KIAA1328: variants seen among roughly 807,000 people sequenced by gnomAD.
KIAA1328 encodes the protein KIAA1328.
In KIAA1328, 52 loss-of-function variants were observed where a neutral mutation model predicts 68.1. The ratio of observed to expected loss-of-function variants is 0.76; its 90% CI spans 0.61 to 0.96. KIAA1328 has a LOEUF of 0.96. Among genes scored for constraint, KIAA1328 ranks in the 40% least tolerant of loss-of-function variants. KIAA1328 has a pLI of 0.00. For missense variants in KIAA1328, 641 were observed against 677.6 expected, an observed-to-expected ratio of 0.95 and a Z score of 0.60; for synonymous variants, 232 against 239.4, an observed-to-expected ratio of 0.97 and a Z score of 0.28.
chr18:37,186,564 CAAAAAAAAAAA>C (rs397858280), intron 9 of KIAA1328, among the ~76,000 whole-genome samples: 10 of 73,176 alleles, frequency 1.4e-4, no homozygotes, highest in East Asian at 4.7e-4. Context: ...GAAACCCTAT[CAAAAAAAAAAA>C]AAAAAAAAAA....
At chr18:37,003,486 G>A (rs566628457) in intron 6 of KIAA1328, among the ~76,000 whole-genome samples, 5 of 152,044 alleles carry the variant, frequency 3.3e-5, no homozygotes, top group East Asian at 1.9e-4. Context: ...AAACATCTCC[G>A]CAGGAAAAAA....
At chr18:36,887,378 C>G (rs963949185) in intron 5 of KIAA1328, among the ~76,000 whole-genome samples, 1 of 152,032 alleles carries the variant, frequency 6.6e-6, no homozygotes, top group African/African-American at 2.4e-5. Context: ...TCCTTTATTT[C>G]TCACATAACA....
chr18:37,170,403 G>A (rs1381901816), intron 8 of KIAA1328, among the ~76,000 whole-genome samples: 1 of 152,152 alleles, frequency 6.6e-6, no homozygotes, highest in Non-Finnish European at 1.5e-5. Context: ...ATAATTTAAA[G>A]ACTGTTGTAA....
At chr18:37,225,604 T>C (rs1051804005), downstream of KIAA1328, among the ~76,000 whole-genome samples, 1 of 152,230 alleles carries the variant, frequency 6.6e-6, no homozygotes, top group African/African-American at 2.4e-5. Context: ...TCAGTCTCTC[T>C]GCACCTGTAA....
At chr18:37,010,440 C>CAAAAAA (rs2053936854) in intron 6 of KIAA1328, among the ~76,000 whole-genome samples, 1 of 41,320 alleles carries the variant, frequency 2.4e-5, no homozygotes, top group Non-Finnish European at 3.9e-5. Flanking sequence ...GAGACACCAT[C>CAAAAAA]TAAAAAAAAA....
chr18:37,099,976 C>T (rs1035774847), intron 7 of KIAA1328, among the ~76,000 whole-genome samples: 15 of 152,044 alleles, frequency 9.9e-5, no homozygotes, highest in African/African-American at 1.4e-4. Flanking sequence ...TGTCTTTGCA[C>T]GTGAGATGGG....
At chr18:37,229,173 A>G (rs1033208091), downstream of KIAA1328, among the ~76,000 whole-genome samples, 5 of 152,138 alleles carry the variant, frequency 3.3e-5, no homozygotes, top group Admixed American at 3.3e-4. Context: ...TGGGAGGAGG[A>G]GAGGAATCCA....
chr18:37,140,206 A>C (rs2058737508), intron 7 of KIAA1328, among the ~76,000 whole-genome samples: 1 of 152,064 alleles, frequency 6.6e-6, no homozygotes. Context: ...CTTTTCTATG[A>C]TGAGAATACC....
chr18:37,197,269 A>G (rs992748690), intron 9 of KIAA1328, among the ~76,000 whole-genome samples: 2 of 151,920 alleles, frequency 1.3e-5, no homozygotes, highest in African/African-American at 4.8e-5. Context: ...TTAAAAACCT[A>G]CTTTTTGTTT....
At chr18:37,031,144 T>C (rs1041404679) in intron 6 of KIAA1328, among the ~76,000 whole-genome samples, 6 of 152,180 alleles carry the variant, frequency 3.9e-5, no homozygotes, top group Non-Finnish European at 8.8e-5. Context: ...AATAAACATA[T>C]GTGTGCATGT....
In KIAA1328 at chr18:37,164,961, C is replaced by T. The variant is rs925636956; in HGVS notation, c.1414+4580C>T. On this transcript the variant is annotated intron_variant, in intron 8 of 9. Coordinates refer to ENST00000280020, the MANE Select transcript of KIAA1328 (RefSeq NM_020776.3). ...AGTACATTTCCATTTTCAATAAATCCTCATACTCTTTTCTAGTCAATCCTC... is the reference window on the plus strand; with the variant it reads ...AGTACATTTCCATTTTCAATAAATCTTCATACTCTTTTCTAGTCAATCCTC... Among the ~76,000 whole-genome samples the T allele has an allele frequency of 2.0e-5, 3 of 152,120 alleles. 1 individual carries two copies. The highest frequency in any genetic ancestry group is 3.9e-4 in the East Asian group (2 of 5,178).
intron 9 of KIAA1328, among the ~76,000 whole-genome samples, chr18:37,195,099 TG>T (rs2059978580): frequency 6.6e-6 from 1 of 152,212 alleles, no homozygotes; most frequent in Non-Finnish European, 1.5e-5. Flanking sequence ...CTCTTCTTTG[TG>T]GTGGGAAAGA....
chr18:37,022,519 C>G (rs1205774022), intron 6 of KIAA1328, among the ~76,000 whole-genome samples: 1 of 152,110 alleles, frequency 6.6e-6, no homozygotes, highest in East Asian at 1.9e-4. Context: ...ACTGGTGTGA[C>G]AGCAAAGTTC....
At chr18:36,878,465 C>G (rs2048215994) in intron 4 of KIAA1328, among the ~76,000 whole-genome samples, 1 of 152,086 alleles carries the variant, frequency 6.6e-6, no homozygotes, top group African/African-American at 2.4e-5. Context: ...TCATTTCAAC[C>G]TTGATGAATC....
At chr18:36,877,446 T>C (rs1336189239) in intron 4 of KIAA1328, among the ~76,000 whole-genome samples, 2 of 151,950 alleles carry the variant, frequency 1.3e-5, no homozygotes, top group African/African-American at 4.8e-5. Context: ...TCTTTTTTGA[T>C]CTTTGTTGGT....
At chr18:37,186,564 CAAAA>C (rs397858280) in intron 9 of KIAA1328, among the ~76,000 whole-genome samples, 311 of 73,188 alleles carry the variant, frequency 4.2e-3, no homozygotes, top group Middle Eastern at 8.8e-3. Context: ...GAAACCCTAT[CAAAA>C]AAAAAAAAAA....
rs560036045 is a variant in KIAA1328, at chr18:36,896,704, A to G, written c.448+11032A>G. On this transcript the variant is annotated intron_variant, in intron 5 of 9. Coordinates refer to ENST00000280020, the MANE Select transcript of KIAA1328 (RefSeq NM_020776.3). ...TTTAAAATTACTTTGGAAAGTTTCA[A>G]CAGTTCTTGTATGAAGAAATAGACT... is the stretch of plus-strand genomic sequence containing the variant. Among the ~76,000 whole-genome samples, 4 of 152,298 alleles carry G rather than the reference A, an allele frequency of 2.6e-5. No homozygotes were observed. In the South Asian group the frequency reaches 6.2e-4, roughly 24 times the overall value.
At chr18:36,962,359 T>C (rs528118886) in intron 6 of KIAA1328, among the ~76,000 whole-genome samples, 1 of 152,208 alleles carries the variant, frequency 6.6e-6, no homozygotes, top group Non-Finnish European at 1.5e-5. Context: ...TAGAGTCTGA[T>C]ACAATAATAA....
rs142853980 is a variant in KIAA1328 at position 37,204,928 on chromosome 18, C to T, written c.1524-17089C>T. On this transcript the variant is annotated intron_variant, in intron 9 of 9. Coordinates refer to ENST00000280020, the MANE Select transcript of KIAA1328 (RefSeq NM_020776.3). ...TTAAAATCTCTTTATCAGAATTCAGCCAGGACAAACAACCACTATTTATGG... is the reference window on the plus strand; with the variant it reads ...TTAAAATCTCTTTATCAGAATTCAGTCAGGACAAACAACCACTATTTATGG... 9.5e-3 allele frequency among the ~76,000 whole-genome samples: 1,450 copies of T among 151,868 alleles called. 13 individuals carry two copies. The highest frequency in any genetic ancestry group is 0.012 in the Non-Finnish European group (784 of 67,990).
Sources: gnomAD v4.1 joint callset for allele counts (sites outside exome capture counted in the v4.1 genomes callset) on GRCh38, gnomAD v4.1.1 for gene constraint, MANE v1.5 for transcripts, NCBI Gene and HGNC (gene_info 2026-07-23, HGNC 2026-07-21) for gene names.